The following HERC4 variants were observed in gnomAD, a reference collection of about 807,000 sequenced individuals.
HERC4 encodes probable E3 ubiquitin-protein ligase HERC4.
In HERC4, 28 loss-of-function variants were observed where a neutral mutation model predicts 124.3. The ratio of observed to expected loss-of-function variants is 0.23; its 90% CI spans 0.17 to 0.31. The LOEUF is 0.31. HERC4 is among the 10% of genes least tolerant of loss of function. HERC4 has a pLI of 1.00. For missense variants in HERC4, 713 were observed against 1,229.3 expected (o/e 0.58, Z 6.28); for synonymous variants, 407 against 421.5 (o/e 0.97, Z 0.42).
intron 8 of HERC4, among the ~76,000 whole-genome samples, chr10:68,022,964 A>T (rs2038716580): frequency 6.6e-6 from 1 of 152,142 alleles, no homozygotes; most frequent in African/African-American, 2.4e-5. Context: ...GCAAATCAAA[A>T]CCACAGGAGA....
intron 8 of HERC4, among the ~76,000 whole-genome samples, chr10:68,015,524 T>C (rs1257068243): frequency 6.6e-6 from 1 of 152,206 alleles, no homozygotes; most frequent in Admixed American, 6.5e-5. Flanking sequence ...CTAACACCTT[T>C]GGTTTTCAAA....
intron 3 of HERC4, among the ~76,000 whole-genome samples, chr10:68,062,213 A>C (rs987078725): frequency 6.6e-6 from 1 of 152,182 alleles, no homozygotes; most frequent in Non-Finnish European, 1.5e-5. Flanking sequence ...AATATTATTA[A>C]GTTTACCACA....
intron 3 of HERC4, among the ~76,000 whole-genome samples, chr10:68,067,394 C>T: frequency 6.6e-6 from 1 of 152,144 alleles, no homozygotes; most frequent in Non-Finnish European, 1.5e-5. Context: ...AATCTATCAT[C>T]CACATCTTTC....
intron 9 of HERC4, among the ~76,000 whole-genome samples, chr10:68,012,524 G>A (rs1011124534): frequency 6.6e-6 from 1 of 152,160 alleles, no homozygotes; most frequent in Non-Finnish European, 1.5e-5. Context: ...AGAGAGATAG[G>A]ACTGGCCAGC....
rs10997917 is a variant in HERC4, at chr10:68,046,020, G to A, written c.227-1457C>T. Among the ~76,000 whole-genome samples the A allele has an allele frequency of 7.3e-3, 1,112 of 151,710 alleles. 59 individuals are homozygous for A. In the East Asian group the frequency reaches 0.13, roughly 18 times the overall value. On this transcript the variant is annotated intron_variant, in intron 3 of 24. Coordinates refer to ENST00000373700, the MANE Select transcript of HERC4 (RefSeq NM_015601.4). ...TACTTACCTACTCCTGAAGCTTCCA[G>A]TACATGAAGTTTATTACACTAATAT...
chr10:68,063,616 A>G (rs538376519), intron 3 of HERC4, among the ~76,000 whole-genome samples: 15 of 152,344 alleles, frequency 9.8e-5, no homozygotes, highest in African/African-American at 3.4e-4. Flanking sequence ...ACTCCTTAAA[A>G]TTAAAGATGT....
chr10:67,967,244 T>G (rs1018674044), intron 15 of HERC4, among the ~76,000 whole-genome samples: 2 of 152,166 alleles, frequency 1.3e-5, no homozygotes, highest in African/African-American at 2.4e-5. Flanking sequence ...AATTACTGAG[T>G]GCCTACTATA....
intron 14 of HERC4, 86 bp from the exon 15 acceptor site, chr10:67,988,921 C>T: frequency 9.5e-7 from 1 of 1,055,054 alleles, no homozygotes; most frequent in Non-Finnish European, 1.4e-6. Context: ...TTTTCTGAAA[C>T]AGTAGTTGTT....
intron 9 of HERC4, chr10:68,007,708 T>G (rs1212283761): frequency 6.6e-6 from 1 of 152,066 alleles, no homozygotes; most frequent in Non-Finnish European, 1.5e-5. Context: ...AACACTTTTT[T>G]TTTTTTTTAA....
At chr10:68,046,396 TACCAAAG>T in intron 3 of HERC4, among the ~76,000 whole-genome samples, 1 of 152,272 alleles carries the variant, frequency 6.6e-6, no homozygotes, top group South Asian at 2.1e-4. Flanking sequence ...AAGTCAAAGG[TACCAAAG>T]GTACCAAATG....
chr10:67,940,902 A>G (rs1281446039), intron 20 of HERC4, 37 bp downstream of exon 20: 2 of 1,579,770 alleles, frequency 1.3e-6, no homozygotes, highest in Non-Finnish European at 8.6e-7. Context: ...TTTACCTCCC[A>G]AACCCTACTA....
chr10:67,970,779 A>G (rs1351021698), intron 15 of HERC4, among the ~76,000 whole-genome samples: 1 of 152,078 alleles, frequency 6.6e-6, no homozygotes, highest in African/African-American at 2.4e-5. Flanking sequence ...CAGGCATAAA[A>G]GAAAATCTAT....
chr10:67,973,562 T>C (rs1196098374), intron 15 of HERC4, among the ~76,000 whole-genome samples: 4 of 152,206 alleles, frequency 2.6e-5, no homozygotes, highest in Non-Finnish European at 4.4e-5. Context: ...AGTTGTATTT[T>C]ATGAATATTA....
At chr10:67,930,145 C>G (rs959842337) in intron 23 of HERC4, among the ~76,000 whole-genome samples, 3 of 152,248 alleles carry the variant, frequency 2.0e-5, no homozygotes, top group South Asian at 4.2e-4. Context: ...AGTTATTCTG[C>G]TGAATAGGTA....
At chr10:68,016,709 A>G (rs193134325) in intron 8 of HERC4, among the ~76,000 whole-genome samples, 1 of 152,268 alleles carries the variant, frequency 6.6e-6, no homozygotes, top group Admixed American at 6.5e-5. Flanking sequence ...AATACCAGAT[A>G]CCTACTTACA....
At chr10:67,993,309 C>T (rs562808752) in intron 9 of HERC4, 1 of 150,832 alleles carries the variant, frequency 6.6e-6, no homozygotes, top group Admixed American at 6.6e-5. Flanking sequence ...CACCCCACTG[C>T]ACTCCAGCCT....
chr10:68,064,188 G>A (rs1319070026), intron 3 of HERC4, among the ~76,000 whole-genome samples: 2 of 149,926 alleles, frequency 1.3e-5, no homozygotes, highest in Non-Finnish European at 3.0e-5. Flanking sequence ...GCCGTGAGCC[G>A]AGATCATGCC....
intron 9 of HERC4, among the ~76,000 whole-genome samples, chr10:68,000,894 G>A (rs560351208): frequency 6.6e-6 from 1 of 152,172 alleles, no homozygotes; most frequent in African/African-American, 2.4e-5. Flanking sequence ...CTAGTCTGCA[G>A]AATAGTGAGC....
chr10:67,959,089 T>C (rs1421940031), intron 16 of HERC4: 8 of 1,589,958 alleles, frequency 5.0e-6, no homozygotes, highest in Admixed American at 3.5e-5. Flanking sequence ...ACTCTAAACA[T>C]GAGCTTTATT....
Sources: gnomAD v4.1 joint callset for allele counts (sites outside exome capture counted in the v4.1 genomes callset) on GRCh38, gnomAD v4.1.1 for gene constraint, MANE v1.5 for transcripts, NCBI Gene and HGNC (gene_info 2026-07-23, HGNC 2026-07-21) for gene names.